NAALADL2: variants seen among roughly 807,000 people sequenced by gnomAD.
NAALADL2 encodes inactive N-acetylated-alpha-linked acidic dipeptidase-like protein 2.
In NAALADL2, 76 loss-of-function variants were observed where a neutral mutation model predicts 87.2. The ratio of observed to expected loss-of-function variants is 0.87; its 90% CI spans 0.72 to 1.05. The LOEUF (loss-of-function observed/expected upper bound fraction) is 1.05. Ranked by LOEUF, NAALADL2 falls within the 50% of genes least tolerant of loss-of-function variation. The pLI is 0.00. For synonymous variants in NAALADL2, 354 were observed against 331.0 expected (o/e 1.07, Z -0.75); for missense variants, 1,089 against 945.8 (o/e 1.15, Z -1.99).
At chr3:175,203,033 G>C (rs1580259) in intron 2 of NAALADL2, among the ~76,000 whole-genome samples, 1 of 152,042 alleles carries the variant, frequency 6.6e-6, no homozygotes, top group Non-Finnish European at 1.5e-5. Flanking sequence ...ATGGACTTTA[G>C]AACTTGCCCC....
Position 174,986,385 on chromosome 3 carries a change from T to A in NAALADL2, c.44-110405T>A, listed in dbSNP as rs145069097. On this transcript the variant is annotated intron_variant, in intron 1 of 13. Transcript: ENST00000454872. Reference sequence around the variant, plus strand: ...TGTTATGTTTAGTTGCTGTAGTTTGTTATATTTTATGTTTGTATATGTTGT... The same window carrying A: ...TGTTATGTTTAGTTGCTGTAGTTTGATATATTTTATGTTTGTATATGTTGT... Among the ~76,000 whole-genome samples the A allele has an allele frequency of 2.5e-3, 372 of 150,718 alleles. 1 individual carries two copies. In the Middle Eastern group the frequency reaches 0.025, roughly 10 times the overall value.
chr3:174,475,788 G>A (rs1282034202), intron 1 of NAALADL2, among the ~76,000 whole-genome samples: 1 of 151,904 alleles, frequency 6.6e-6, no homozygotes, highest in African/African-American at 2.4e-5. Context: ...TGGTGTGTCT[G>A]TCCATACAAA....
chr3:175,336,183 T>C (rs1219417196), intron 5 of NAALADL2, among the ~76,000 whole-genome samples: 1 of 152,150 alleles, frequency 6.6e-6, no homozygotes, highest in African/African-American at 2.4e-5. Flanking sequence ...TTGCTAACAT[T>C]TACAAAAGTA....
chr3:174,753,380 CCT>C (rs1711528039), intron 3 of NAALADL2, among the ~76,000 whole-genome samples: 1 of 152,148 alleles, frequency 6.6e-6, no homozygotes, highest in Admixed American at 6.5e-5. Flanking sequence ...CTGGTGATCC[CCT>C]TTTTTTCTTA....
At chr3:175,258,324 C>CAAA (rs1287997792) in intron 4 of NAALADL2, among the ~76,000 whole-genome samples, 15 of 100,696 alleles carry the variant, frequency 1.5e-4, no homozygotes, top group East Asian at 2.7e-4. Flanking sequence ...CCCCCACCAC[C>CAAA]AAAAAAAAAA....
At chr3:175,482,009 C>G (rs1726544920) in intron 9 of NAALADL2, among the ~76,000 whole-genome samples, 4 of 151,664 alleles carry the variant, frequency 2.6e-5, no homozygotes, top group Admixed American at 2.6e-4. Flanking sequence ...CCAACTCATG[C>G]CTAGAGACAC....
At chr3:174,600,112 G>A (rs1210095471) in intron 2 of NAALADL2, among the ~76,000 whole-genome samples, 1 of 151,774 alleles carries the variant, frequency 6.6e-6, no homozygotes, top group African/African-American at 2.4e-5. Context: ...TATAATATAT[G>A]ATAATCCCTT....
chr3:175,667,095 AAAGG>A (rs200489923), intron 11 of NAALADL2, among the ~76,000 whole-genome samples: 1,636 of 150,118 alleles, frequency 0.011, 39 homozygotes, highest in African/African-American at 0.038. Flanking sequence ...GGCAAGAAAG[AAAGG>A]AAGGAAGGAA....
chr3:175,474,459 G>A (rs1404225144), intron 9 of NAALADL2, among the ~76,000 whole-genome samples: 1 of 152,104 alleles, frequency 6.6e-6, no homozygotes, highest in Non-Finnish European at 1.5e-5. Flanking sequence ...TCAAGGAGTT[G>A]GTAGTCCCAC....
At chr3:175,715,228 C>G (rs1371834530) in intron 11 of NAALADL2, among the ~76,000 whole-genome samples, 1 of 152,036 alleles carries the variant, frequency 6.6e-6, no homozygotes, top group Middle Eastern at 3.2e-3. Context: ...GGTTAAAATC[C>G]AGATAAACTG....
intron 1 of NAALADL2, among the ~76,000 whole-genome samples, chr3:175,050,597 T>C (rs1413444823): frequency 1.3e-5 from 2 of 152,212 alleles, no homozygotes; most frequent in Admixed American, 1.3e-4. Context: ...AATTCACTCA[T>C]GGGAAAACTG....
rs190456013 is a variant in NAALADL2 at position 174,470,188 on chromosome 3, A to G, written c.-184+29156A>G. Among the ~76,000 whole-genome samples the G allele has an allele frequency of 1.1e-3, 167 of 152,270 alleles. 1 individual carries two copies. Among genetic ancestry groups the G allele is most frequent in the African/African-American group, 3.9e-3 (163 of 41,556 alleles). ...TATTTTCTCACTTTTAAGAATAACC[A>G]TTCTGAGTGGTGTGAGATGGTATCT... On this transcript the variant is annotated intron_variant, in intron 1 of 3. Transcript: ENST00000434257.
chr3:174,829,393 A>G (rs1434337918), intron 3 of NAALADL2, among the ~76,000 whole-genome samples: 2 of 148,680 alleles, frequency 1.3e-5, no homozygotes, highest in African/African-American at 2.5e-5. Flanking sequence ...GCGATAGTTT[A>G]CTGAGAATGA....
chr3:174,723,165 T>C (rs1025115267), intron 2 of NAALADL2, among the ~76,000 whole-genome samples: 19 of 152,322 alleles, frequency 1.2e-4, no homozygotes, highest in Middle Eastern at 3.4e-3. Flanking sequence ...ACATCATATT[T>C]AAAGTTTTGC....
At chr3:175,194,387 T>C (rs922846104) in intron 2 of NAALADL2, among the ~76,000 whole-genome samples, 2 of 151,824 alleles carry the variant, frequency 1.3e-5, no homozygotes, top group Non-Finnish European at 3.0e-5. Flanking sequence ...AAGGAGAGCC[T>C]TGAAATCATC....
At chr3:174,733,985 G>T (rs572150779) in intron 2 of NAALADL2, among the ~76,000 whole-genome samples, 1 of 152,120 alleles carries the variant, frequency 6.6e-6, no homozygotes, top group Non-Finnish European at 1.5e-5. Context: ...ACAAATGTAA[G>T]CTTCAAGCTT....
chr3:174,808,521 G>A (rs1366896684), intron 3 of NAALADL2, among the ~76,000 whole-genome samples: 2 of 152,084 alleles, frequency 1.3e-5, no homozygotes, highest in Non-Finnish European at 2.9e-5. Flanking sequence ...TCATAGACAT[G>A]GTAAAATGCT....
At chr3:175,088,283 A>G (rs1719434552) in intron 1 of NAALADL2, among the ~76,000 whole-genome samples, 3 of 152,194 alleles carry the variant, frequency 2.0e-5, no homozygotes, top group African/African-American at 7.2e-5. Flanking sequence ...AATTTACCCA[A>G]TATAGATTTG....
intron 3 of NAALADL2, among the ~76,000 whole-genome samples, chr3:174,816,098 T>C (rs1313815009): frequency 6.6e-6 from 1 of 152,194 alleles, no homozygotes; most frequent in African/African-American, 2.4e-5. Context: ...TGACAAAATA[T>C]ATGTCCATAG....
Sources: allele counts gnomAD v4.1 joint callset (sites outside exome capture counted in the v4.1 genomes callset), GRCh38; gene constraint gnomAD v4.1.1; transcripts MANE v1.5; gene names NCBI Gene and HGNC (gene_info 2026-07-23, HGNC 2026-07-21).